The following ALDH1A2 variants were observed in gnomAD, a reference collection of about 807,000 sequenced individuals.
ALDH1A2 encodes retinal dehydrogenase 2.
In ALDH1A2, 27 loss-of-function variants were observed where a neutral mutation model predicts 60.3. The ratio of observed to expected loss-of-function variants is 0.45; its 90% CI spans 0.33 to 0.62. The LOEUF is 0.62. Among genes scored for constraint, ALDH1A2 ranks in the 20% least tolerant of loss-of-function variants. The probability of loss-of-function intolerance (pLI) is 0.02; values close to 1 mark genes in which losing one functional copy is unlikely to be tolerated. For missense variants in ALDH1A2, 581 were observed against 643.8 expected (o/e 0.90, Z 1.06); for synonymous variants, 289 against 232.4 (o/e 1.24, Z -2.21).
intron 1 of ALDH1A2, among the ~76,000 whole-genome samples, chr15:58,046,511 C>A (rs1896643834): frequency 6.6e-6 from 1 of 151,928 alleles, no homozygotes; most frequent in South Asian, 2.1e-4. Flanking sequence ...ATAGAACAAC[C>A]TAGAATGGGG....
intron 1 of ALDH1A2, among the ~76,000 whole-genome samples, chr15:58,037,092 T>G (rs1896394941): frequency 6.6e-6 from 1 of 151,638 alleles, no homozygotes; most frequent in Non-Finnish European, 1.5e-5. Flanking sequence ...ATGATGAAGG[T>G]GCCCCTTGGA....
chr15:58,040,529 A>G (rs1210336109), intron 1 of ALDH1A2, among the ~76,000 whole-genome samples: 1 of 151,910 alleles, frequency 6.6e-6, no homozygotes, highest in African/African-American at 2.4e-5. Context: ...TGTAGGCATT[A>G]TTTCCTGTCT....
intron 3 of ALDH1A2, among the ~76,000 whole-genome samples, chr15:58,013,317 T>G (rs1200628427): frequency 1.3e-5 from 2 of 152,194 alleles, no homozygotes; most frequent in East Asian, 3.9e-4. Context: ...TCTTGTTGCT[T>G]GACTGTTTTT....
chr15:57,964,155 C>T, intron 8 of ALDH1A2, 86 bp from the exon 9 acceptor site: 2 of 1,459,628 alleles, frequency 1.4e-6, no homozygotes, highest in Non-Finnish European at 1.9e-6. Context: ...CTCCAAAGCC[C>T]TAGGTATAGT....
chr15:58,006,114 T>TTTCCA, intron 4 of ALDH1A2, among the ~76,000 whole-genome samples: 1 of 151,802 alleles, frequency 6.6e-6, no homozygotes, highest in Non-Finnish European at 1.5e-5. Context: ...AAGATTTTGG[T>TTTCCA]GCATCTGTCA....
chr15:58,018,893 G>A (rs1247808934), intron 1 of ALDH1A2, among the ~76,000 whole-genome samples: 2 of 151,992 alleles, frequency 1.3e-5, no homozygotes, highest in African/African-American at 2.4e-5. Flanking sequence ...TCACTAATAA[G>A]ACATAAAAAT....
rs1260490650 is a variant in ALDH1A2, at chr15:57,955,024, G to T, written c.*173C>A. On this transcript the variant is annotated 3_prime_UTR_variant, in exon 13 of 13. Transcript: ENST00000249750. ...GCCCCTTACAGAGTGCCAAGAAACT[G>T]TACCCAGCTGGTTTGCTTTAGTTGT... 1.4e-6 allele frequency: 1 copy of T among 737,738 alleles called. No homozygotes were observed. The allele number at this position is 737,738 out of a possible 1,614,324, so 45.7% of individuals were successfully genotyped here.
chr15:58,003,912 A>G (rs1336478494), intron 4 of ALDH1A2, among the ~76,000 whole-genome samples: 1 of 151,900 alleles, frequency 6.6e-6, no homozygotes, highest in Non-Finnish European at 1.5e-5. Flanking sequence ...GGTCAGAGAC[A>G]ATGGCTCCAT....
At chr15:58,013,188 T>C (rs1895687001) in intron 3 of ALDH1A2, among the ~76,000 whole-genome samples, 1 of 152,206 alleles carries the variant, frequency 6.6e-6, no homozygotes, top group Non-Finnish European at 1.5e-5. Context: ...CCATCCCCTC[T>C]GGTTCTGAAG....
At chr15:58,048,841 TATA>T (rs1168464570) in intron 1 of ALDH1A2, among the ~76,000 whole-genome samples, 6 of 152,008 alleles carry the variant, frequency 3.9e-5, no homozygotes, top group African/African-American at 1.2e-4. Flanking sequence ...TCTGTTAAGG[TATA>T]ATAATAAGCT....
intron 3 of ALDH1A2, among the ~76,000 whole-genome samples, chr15:58,012,608 C>T (rs1380023354): frequency 6.6e-6 from 1 of 152,130 alleles, no homozygotes; most frequent in African/African-American, 2.4e-5. Context: ...TATGAATAAA[C>T]ACCTCATTGG....
chr15:57,964,211 G>A (rs1298685006), intron 8 of ALDH1A2, 142 bp from the exon 9 acceptor site: 1 of 817,920 alleles, frequency 1.2e-6, no homozygotes, highest in Non-Finnish European at 1.9e-6. Flanking sequence ...GATTGGGAAT[G>A]CAACTAGTTC....
chr15:58,013,902 C>G lies in ALDH1A2; in HGVS notation c.319G>C (p.Asp107His). Residue 107 changes from aspartate to histidine, a missense_variant, in exon 3 of 13, where the codon GAT (aspartate) becomes CAT (histidine). Asp to His is a moderately conservative substitution (Grantham distance 81). This residue lies in a region of ALDH1A2 where 206 missense variants were observed against 174.1 expected (regional missense o/e 1.18). Coordinates refer to ENST00000249750, the MANE Select transcript of ALDH1A2 (RefSeq NM_003888.4). ...MDASERGRLL[D>H]KLADLVERDR... is the part of the protein sequence containing the mutation. ...CGTTCCACCAAGTCTGCAAGCTTAT[C>G]CAACAGACGTCCCCTTTCTGAAGCA... 1 of 1,614,160 alleles carries G rather than the reference C, an allele frequency of 6.2e-7. No homozygotes were observed. Among genetic ancestry groups the G allele is most frequent in the Non-Finnish European group, 8.5e-7 (1 of 1,180,014 alleles).
chr15:57,957,615 C>G (rs1251514040), intron 12 of ALDH1A2, among the ~76,000 whole-genome samples: 2 of 152,160 alleles, frequency 1.3e-5, no homozygotes, highest in African/African-American at 4.8e-5. Flanking sequence ...TGTGTGGTTA[C>G]CTTCACATCA....
At chr15:57,999,878 C>A (rs1276241650) in intron 4 of ALDH1A2, among the ~76,000 whole-genome samples, 1 of 151,984 alleles carries the variant, frequency 6.6e-6, no homozygotes, top group Non-Finnish European at 1.5e-5. Flanking sequence ...GAATACTATG[C>A]AGCCATAAAA....
chr15:58,020,435 T>G (rs1241520256), intron 1 of ALDH1A2, among the ~76,000 whole-genome samples: 1 of 152,150 alleles, frequency 6.6e-6, no homozygotes, highest in Non-Finnish European at 1.5e-5. Flanking sequence ...AGAACAAATC[T>G]GAAACACACT....
intron 7 of ALDH1A2, chr15:57,979,725 A>C (rs1251538520): frequency 7.5e-6 from 2 of 266,380 alleles, no homozygotes; most frequent in African/African-American, 4.6e-5. Flanking sequence ...CTCAGTAGCC[A>C]GCCTCCTCCT....
At chr15:57,969,776 G>A (rs952422017) in intron 7 of ALDH1A2, among the ~76,000 whole-genome samples, 1 of 152,006 alleles carries the variant, frequency 6.6e-6, no homozygotes, top group Admixed American at 6.6e-5. Flanking sequence ...TTTTTAGTTC[G>A]CCATCACCTT....
intron 8 of ALDH1A2, among the ~76,000 whole-genome samples, 178 bp downstream of exon 8, chr15:57,965,547 G>A (rs1044314123): frequency 2.0e-5 from 3 of 152,152 alleles, no homozygotes; most frequent in Non-Finnish European, 4.4e-5. Flanking sequence ...AACTGGTTCA[G>A]TCGTCAACTG....
Sources: allele counts gnomAD v4.1 joint callset (sites outside exome capture counted in the v4.1 genomes callset), GRCh38; gene constraint gnomAD v4.1.1; regional missense constraint gnomAD v4.1.1; transcripts MANE v1.5; gene names NCBI Gene and HGNC (gene_info 2026-07-23, HGNC 2026-07-21).